Variants in CACNA2D4 observed in about 807,000 individuals in gnomAD.
CACNA2D4 encodes the protein voltage-dependent calcium channel subunit alpha-2/delta-4.
Under a neutral mutation model 163.8 loss-of-function variants are expected in CACNA2D4, and 157 were observed. The observed-to-expected ratio is 0.96, with a 90% confidence interval of 0.84 to 1.09. The LOEUF is 1.09. Among genes scored for constraint, CACNA2D4 ranks in the 50% least tolerant of loss-of-function variants. The pLI is 0.00. For missense variants in CACNA2D4, 1,410 were observed against 1,479.9 expected, an observed-to-expected ratio of 0.95 and a Z score of 0.78; for synonymous variants, 598 against 586.9, an observed-to-expected ratio of 1.02 and a Z score of -0.27.
intron 35 of CACNA2D4, 54 bp from the exon 36 acceptor site, chr12:1,795,834 T>A (rs1863106297): frequency 8.7e-7 from 1 of 1,150,256 alleles, no homozygotes; most frequent in African/African-American, 1.5e-5. Flanking sequence ...CGAGAAGGGC[T>A]TCTAGGGAAG....
chr12:1,866,348 T>C (rs1184356121), intron 18 of CACNA2D4, among the ~76,000 whole-genome samples: 1 of 152,262 alleles, frequency 6.6e-6, no homozygotes, highest in Non-Finnish European at 1.5e-5. Flanking sequence ...ATTGTTGCCA[T>C]ATAATTTACA....
At chr12:1,809,669 G>A (rs1863642280) in intron 29 of CACNA2D4, 2 of 656,172 alleles carry the variant, frequency 3.0e-6, no homozygotes, top group Admixed American at 2.4e-5. Flanking sequence ...CTGGGTTCAG[G>A]GAGATACCCA....
chr12:1,826,099 G>A (rs552775244), intron 26 of CACNA2D4, among the ~76,000 whole-genome samples: 49 of 152,220 alleles, frequency 3.2e-4, no homozygotes, highest in African/African-American at 1.2e-3. Context: ...GAGGTTGGTG[G>A]GATCGGGAAA....
intron 6 of CACNA2D4, among the ~76,000 whole-genome samples, chr12:1,903,285 T>G (rs1273273796): frequency 6.6e-6 from 1 of 151,964 alleles, no homozygotes; most frequent in African/African-American, 2.4e-5. Context: ...TTGGGGAAAC[T>G]CTCCAGGACA....
chr12:1,917,405 C>G lies in CACNA2D4; in HGVS notation c.227+842G>C, dbSNP rs1362174829. Among the ~76,000 whole-genome samples the G allele has an allele frequency of 6.6e-6, 1 of 152,190 alleles. No homozygotes were observed. The highest frequency in any genetic ancestry group is 1.9e-4 in the East Asian group (1 of 5,188). Reference sequence around the variant, plus strand: ...GTCATTTAGGCTCCCTGTCCCCACTCCTGCTAAGACATGCAGTTGGCAGGT... The same window carrying G: ...GTCATTTAGGCTCCCTGTCCCCACTGCTGCTAAGACATGCAGTTGGCAGGT... On this transcript the variant is annotated intron_variant, in intron 1 of 37. Coordinates refer to ENST00000382722, the MANE Select transcript of CACNA2D4 (RefSeq NM_172364.5). The surrounding 1 kb of genome is among the most constrained non-coding windows in gnomAD (Gnocchi z 4.3).
chr12:1,872,358 G>A (rs1030808346), intron 18 of CACNA2D4, among the ~76,000 whole-genome samples: 1 of 152,176 alleles, frequency 6.6e-6, no homozygotes, highest in East Asian at 1.9e-4. Flanking sequence ...TGCTGTTGAC[G>A]TGTGGAAAAT....
intron 26 of CACNA2D4, among the ~76,000 whole-genome samples, chr12:1,819,213 T>G (rs186682882): frequency 1.3e-5 from 2 of 152,152 alleles, no homozygotes; most frequent in East Asian, 3.9e-4. Flanking sequence ...AGAACACGCT[T>G]TCATGGAGAT....
intron 1 of CACNA2D4, among the ~76,000 whole-genome samples, chr12:1,916,255 T>C (rs913139850): frequency 1.4e-4 from 22 of 152,180 alleles, no homozygotes; most frequent in Admixed American, 3.3e-4. Context: ...CCTTGGGCTC[T>C]GCTGAATGTG....
At chr12:1,876,061 G>T (rs940960407) in intron 16 of CACNA2D4, among the ~76,000 whole-genome samples, 1 of 152,216 alleles carries the variant, frequency 6.6e-6, no homozygotes, top group African/African-American at 2.4e-5. Flanking sequence ...GGGACACACT[G>T]TCAGGTCCCT....
Position 1,890,245 on chromosome 12 carries a change from C to G in CACNA2D4, c.782-3176G>C, listed in dbSNP as rs372870953. On this transcript the variant is annotated intron_variant, in intron 6 of 37. Coordinates refer to ENST00000382722, the MANE Select transcript of CACNA2D4 (RefSeq NM_172364.5). ...AGCTCACACTGGATCTCATACACCC[C>G]CAGATCTCTAAGCAGCTGCAGCACA... is the stretch of plus-strand genomic sequence containing the variant. Among the ~76,000 whole-genome samples the G allele has an allele frequency of 8.8e-4, 134 of 152,134 alleles. 1 individual carries two copies. The highest frequency in any genetic ancestry group is 1.6e-3 in the Non-Finnish European group (111 of 68,006).
At chr12:1,816,767 CAT>C (rs1024990829) in intron 26 of CACNA2D4, among the ~76,000 whole-genome samples, 5 of 152,182 alleles carry the variant, frequency 3.3e-5, no homozygotes, top group Admixed American at 1.3e-4. Flanking sequence ...CATGCACACA[CAT>C]GGACACACAC....
chr12:1,898,242 TA>T (rs1310030284), intron 6 of CACNA2D4, among the ~76,000 whole-genome samples: 1 of 151,846 alleles, frequency 6.6e-6, no homozygotes, highest in African/African-American at 2.4e-5. Flanking sequence ...ACATCAAAAT[TA>T]AAAACCTGTA....
At chr12:1,882,532 G>T (rs1189804540) in intron 13 of CACNA2D4, among the ~76,000 whole-genome samples, 1 of 151,266 alleles carries the variant, frequency 6.6e-6, no homozygotes, top group African/African-American at 2.4e-5. Context: ...TTTCTGTCCC[G>T]GGTGGGTGGG....
Position 1,799,716 on chromosome 12 carries a change from G to A in CACNA2D4, c.2975-21C>T. ...TTTGGCTGGCCGGAACATAAGCCCA[G>A]CACAGGGTGGACACGGCACAGGAAA... On this transcript the variant is annotated intron_variant, in intron 33 of 37. Transcript: ENST00000382722. This position sits in a 1 kb window ranked among gnomAD's most constrained non-coding sequence, Gnocchi z 4.7. The A allele has an allele frequency of 6.4e-7, 1 of 1,567,700 alleles. No homozygotes were observed. Among genetic ancestry groups the A allele is most frequent in the African/African-American group, 1.4e-5 (1 of 73,762 alleles).
At chr12:1,858,360 G>C (rs917367) in intron 20 of CACNA2D4, among the ~76,000 whole-genome samples, 1 of 151,934 alleles carries the variant, frequency 6.6e-6, no homozygotes, top group African/African-American at 2.4e-5. Context: ...CTCAGGCTCT[G>C]CTGGTTTGAC....
At chr12:1,846,805 C>A (rs1036824731) in intron 23 of CACNA2D4, 116 bp from the exon 24 acceptor site, 16 of 832,042 alleles carry the variant, frequency 1.9e-5, no homozygotes, top group Non-Finnish European at 2.9e-5. Context: ...TCAGGGAAGA[C>A]TTTCCAGGAA....
intron 29 of CACNA2D4, among the ~76,000 whole-genome samples, chr12:1,803,666 C>T (rs1863414497): frequency 6.6e-6 from 1 of 152,208 alleles, no homozygotes; most frequent in South Asian, 2.1e-4. Context: ...AAGGTGCTCA[C>T]ACTTGTCTGT....
rs369346581 is a variant in CACNA2D4 at position 1,872,503 on chromosome 12, G to A, written c.1878+2101C>T. Among the ~76,000 whole-genome samples the A allele has an allele frequency of 5.3e-5, 8 of 152,288 alleles. No individual in the cohort carries two copies. The East Asian group carries it at 1.3e-3, about 26-fold the overall frequency. On this transcript the variant is annotated intron_variant, in intron 18 of 37. Coordinates refer to ENST00000382722, the MANE Select transcript of CACNA2D4 (RefSeq NM_172364.5). ...TCAGCCTAGACCTAGACCTGGAGAC[G>A]GTTTCTACTGAGAAACCAGCTCGTA...
chr12:1,869,212 G>T lies in CACNA2D4; in HGVS notation c.1878+5392C>A, dbSNP rs1052342262. ...CACTTCCAGACTCAATGCCCAGTGT[G>T]GTTTCGAGTCAGGGTCAGCCAAAGA... On this transcript the variant is annotated intron_variant, in intron 18 of 37. Transcript: ENST00000382722. This position sits in a 1 kb window ranked among gnomAD's most constrained non-coding sequence, Gnocchi z 4.7. 3.3e-5 allele frequency among the ~76,000 whole-genome samples: 5 copies of T among 152,228 alleles called. No individual in the cohort carries two copies. The highest frequency in any genetic ancestry group is 1.2e-4 in the African/African-American group (5 of 41,462).
Sources: allele counts gnomAD v4.1 joint callset (sites outside exome capture counted in the v4.1 genomes callset), GRCh38; gene constraint gnomAD v4.1.1; non-coding constraint Gnocchi (gnomAD v3.1); transcripts MANE v1.5; gene names NCBI Gene and HGNC (gene_info 2026-07-23, HGNC 2026-07-21).